C21orf58: variants seen among roughly 807,000 people sequenced by gnomAD.
C21orf58 encodes the protein chromosome 21 open reading frame 58.
Under a neutral mutation model 35.8 loss-of-function variants are expected in C21orf58, and 34 were observed. That is an observed-to-expected ratio of 0.95 (90% CI 0.72 to 1.26). The LOEUF (loss-of-function observed/expected upper bound fraction) is 1.26. C21orf58 is among the 50% of genes most tolerant of loss of function. The pLI is 0.00. For missense variants in C21orf58, 440 were observed against 414.3 expected, an observed-to-expected ratio of 1.06 and a Z score of -0.54; for synonymous variants, 191 against 175.8, an observed-to-expected ratio of 1.09 and a Z score of -0.68.
intron 6 of C21orf58, among the ~76,000 whole-genome samples, chr21:46,303,731 ATATATATATATATATTT>A (rs2082256511): frequency 3.5e-5 from 1 of 28,430 alleles, no homozygotes; most frequent in South Asian, 1.1e-3. Flanking sequence ...ATATATATAT[ATATATATATATATATTT>A]TTTTTTTTTT....
intron 1 of C21orf58, chr21:46,318,560 CTGTGTACT>C: frequency 8.2e-7 from 1 of 1,216,406 alleles, no homozygotes; most frequent in Non-Finnish European, 1.0e-6. Context: ...GGCGCCCCAC[CTGTGTACT>C]GCCTCCAGGG....
In C21orf58 at chr21:46,315,475, C is replaced by T. The variant is rs780452434; in HGVS notation, c.443G>A (p.Arg148Gln). 2.3e-5 allele frequency: 37 copies of T among 1,590,580 alleles called. No homozygotes were observed. Among genetic ancestry groups the T allele is most frequent in the Middle Eastern group, 1.7e-4 (1 of 6,046 alleles). ...KRRRDLLQRL[R>Q]EQHLLDELSR... is the part of the protein sequence containing the mutation. ...TCGCTCAGAGGGTGCAGGGCCTACC[C>T]GGAGTCTCTGCAGAAGGTCCCTCCT... The change falls in exon 4 of 8, where the codon CGG becomes CAG. Residue 148 changes from arginine (R) to glutamine (Q), a missense_variant and splice_region_variant. Coordinates refer to ENST00000291691, the MANE Select transcript of C21orf58 (RefSeq NM_058180.5).
intron 6 of C21orf58, among the ~76,000 whole-genome samples, chr21:46,303,939 G>C (rs535862336): frequency 1.4e-5 from 2 of 142,970 alleles, no homozygotes; most frequent in African/African-American, 5.2e-5. Flanking sequence ...TTTTTGTAGA[G>C]ATGGGGTTTC....
intron 6 of C21orf58, among the ~76,000 whole-genome samples, chr21:46,303,021 A>C (rs556554343): frequency 6.6e-6 from 1 of 152,132 alleles, no homozygotes; most frequent in South Asian, 2.1e-4. Flanking sequence ...AAAATTAGCC[A>C]GGCGTGGTGG....
chr21:46,318,322 C>T (rs564209901), intron 1 of C21orf58, 102 bp from the exon 2 acceptor site: 8 of 1,525,926 alleles, frequency 5.2e-6, no homozygotes, highest in East Asian at 4.7e-5. Context: ...TGCCAGGCTG[C>T]CAGACACAGG....
intron 6 of C21orf58, among the ~76,000 whole-genome samples, chr21:46,303,495 A>G (rs2082217933): frequency 6.6e-6 from 1 of 151,694 alleles, no homozygotes; most frequent in Non-Finnish European, 1.5e-5. Flanking sequence ...TAAGGGAGGC[A>G]GGCAACCTGA....
At chr21:46,300,801 G>A (rs1390212482), downstream of C21orf58, 1 of 1,287,804 alleles carries the variant, frequency 7.8e-7, no homozygotes, top group South Asian at 1.2e-5. Context: ...TGTCCTAATA[G>A]GGGGTGAATG....
In C21orf58 at chr21:46,318,828, G is replaced by A. The variant is rs147682091; in HGVS notation, c.101-608C>T. 9.1e-6 allele frequency: 9 copies of A among 987,324 alleles called. No individual in the cohort carries two copies. In the South Asian group the frequency reaches 1.9e-4, roughly 20 times the overall value. 61.2% of individuals were successfully genotyped at this position (987,324 alleles called of 1,614,324 possible). A position where few individuals can be genotyped will look rare whatever the true frequency, so the allele number is the denominator to read the frequency against. On this transcript the variant is annotated intron_variant, in intron 1 of 7. Coordinates refer to ENST00000291691, the MANE Select transcript of C21orf58 (RefSeq NM_058180.5). ...GGGCAGGGAGTCAAGTTTGCAGGAA[G>A]CTTCGCAGAGGGTGACGCAAAACAG...
chr21:46,311,667 C>A, intron 5 of C21orf58, 100 bp from the exon 6 acceptor site: 1 of 569,396 alleles, frequency 1.8e-6, no homozygotes, highest in South Asian at 3.0e-5. Context: ...AACCAACCAA[C>A]CAACCAACCA....
intron 6 of C21orf58, among the ~76,000 whole-genome samples, chr21:46,310,943 A>C (rs1377774107): frequency 6.6e-6 from 1 of 151,918 alleles, no homozygotes; most frequent in Non-Finnish European, 1.5e-5. Context: ...TTCTTGGCTC[A>C]CACTGCAACC....
At chr21:46,319,681 G>A (rs1161167256) in intron 1 of C21orf58, among the ~76,000 whole-genome samples, 1 of 151,866 alleles carries the variant, frequency 6.6e-6, no homozygotes, top group African/African-American at 2.4e-5. Flanking sequence ...GGCAGATCAC[G>A]AGGTCAGGAG....
intron 6 of C21orf58, among the ~76,000 whole-genome samples, 169 bp from the exon 7 acceptor site, chr21:46,302,745 G>GAGTCTCTACTAAAAATACAAAAATT (rs1231377901): frequency 2.7e-5 from 4 of 147,368 alleles, no homozygotes; most frequent in South Asian, 2.2e-4. Flanking sequence ...GGCGCGCCCT[G>GAGTCTCTACTAAAAATACAAAAATT]AGCCCGTCTG....
intron 1 of C21orf58, among the ~76,000 whole-genome samples, chr21:46,319,337 C>T (rs2146116420): frequency 6.6e-6 from 1 of 152,324 alleles, no homozygotes; most frequent in African/African-American, 2.4e-5. Flanking sequence ...GAAACCAGGC[C>T]TTACCCTCCC....
chr21:46,307,505 C>T (rs1316581421), intron 6 of C21orf58, among the ~76,000 whole-genome samples: 2 of 152,150 alleles, frequency 1.3e-5, no homozygotes, highest in Non-Finnish European at 2.9e-5. Flanking sequence ...TATCACTAAA[C>T]TTCATCTGGA....
At chr21:46,312,254 C>T (rs373766455) in intron 5 of C21orf58, among the ~76,000 whole-genome samples, 17 of 152,238 alleles carry the variant, frequency 1.1e-4, no homozygotes, top group South Asian at 6.2e-4. Context: ...CTGTCTTTAG[C>T]GGGGTGGGCT....
chr21:46,313,981 T>C (rs2082857758), intron 5 of C21orf58, among the ~76,000 whole-genome samples: 1 of 150,316 alleles, frequency 6.7e-6, no homozygotes, highest in African/African-American at 2.5e-5. Context: ...CTCTGATCCA[T>C]TTTTTGCTTC....
chr21:46,318,143 T>G lies in C21orf58; in HGVS notation c.178A>C (p.Ser60Arg). Residue 60 changes from serine (S) to arginine (R), a missense_variant, in exon 2 of 8, where the codon AGT becomes CGT. Physicochemically the swap from Ser to Arg is moderately radical, Grantham distance 110. Transcript: ENST00000291691. Reference sequence around the variant, plus strand: ...CCACCTCCCTCCCTGGTTCTGTTACTCGCAGGAAAGAACTGCTCAGCAGGA... The same window carrying G: ...CCACCTCCCTCCCTGGTTCTGTTACGCGCAGGAAAGAACTGCTCAGCAGGA... ...WAPAEQFFPASNRTREGGGLW... is the reference protein window; with the variant it reads ...WAPAEQFFPARNRTREGGGLW... The G allele has an allele frequency of 6.2e-7, 1 of 1,613,096 alleles. No homozygotes were observed. The highest frequency in any genetic ancestry group is 8.5e-7 in the Non-Finnish European group (1 of 1,180,006).
intron 6 of C21orf58, among the ~76,000 whole-genome samples, chr21:46,304,789 G>A (rs867291948): frequency 3.9e-5 from 6 of 152,174 alleles, no homozygotes; most frequent in Middle Eastern, 3.2e-3. Flanking sequence ...ATGTAAGCCT[G>A]GAATCTTGAG....
rs762115987 is a variant in C21orf58, at chr21:46,302,562, G to T, written c.736C>A (p.Leu246Met). ...TGCACCTGTGCGTTCTGCAGCAGCA[G>T]CAGCTCCACCATGTCTGCAGGGAAG... ...GSIKEDMVEL[L>M]LLQNAQVHQL... The change falls in exon 7 of 8, where the codon CTG becomes ATG. Residue 246 changes from leucine to methionine, a missense_variant. By Grantham distance (15) the Leu-to-Met change is conservative. Transcript: ENST00000291691. 1 of 1,611,916 alleles carries T rather than the reference G, an allele frequency of 6.2e-7. No homozygotes were observed. The highest frequency in any genetic ancestry group is 8.5e-7 in the Non-Finnish European group (1 of 1,179,076).
Sources: allele counts gnomAD v4.1 joint callset (sites outside exome capture counted in the v4.1 genomes callset), GRCh38; gene constraint gnomAD v4.1.1; transcripts MANE v1.5; gene names NCBI Gene and HGNC (gene_info 2026-07-23, HGNC 2026-07-21).